Variants in GRIP1 observed in about 807,000 individuals in gnomAD.
The protein encoded by GRIP1 is glutamate receptor-interacting protein 1.
In GRIP1, 45 loss-of-function variants were observed where a neutral mutation model predicts 129.9. The observed-to-expected ratio is 0.35, with a 90% CI of 0.27 to 0.44. The LOEUF is 0.44. Among genes scored for constraint, GRIP1 ranks in the 20% least tolerant of loss-of-function variants. The probability of loss-of-function intolerance (pLI) is 1.00; values close to 1 mark genes in which losing one functional copy is unlikely to be tolerated. For missense variants in GRIP1, 1,196 were observed against 1,396.8 expected (o/e 0.86, Z 2.29); for synonymous variants, 530 against 520.8 (o/e 1.02, Z -0.24).
At chr12:66,457,623 A>C (rs2059006403) in intron 9 of GRIP1, among the ~76,000 whole-genome samples, 1 of 152,200 alleles carries the variant, frequency 6.6e-6, no homozygotes, top group Non-Finnish European at 1.5e-5. Context: ...ACAAGTGAAT[A>C]TGTAGAGAGG....
chr12:66,379,501 T>C, intron 19 of GRIP1, 65 bp from the exon 20 acceptor site: 1 of 1,501,570 alleles, frequency 6.7e-7, no homozygotes, highest in Non-Finnish European at 9.3e-7. Context: ...GAAATGACAT[T>C]GTTAACCAGT....
chr12:66,886,918 T>C (rs1362659681), intron 1 of GRIP1, among the ~76,000 whole-genome samples: 1 of 152,300 alleles, frequency 6.6e-6, no homozygotes, highest in Non-Finnish European at 1.5e-5. Flanking sequence ...TCAACAGGTA[T>C]AGGAATTTTT....
intron 1 of GRIP1, among the ~76,000 whole-genome samples, chr12:66,692,675 G>C (rs1220562361): frequency 6.6e-6 from 1 of 152,122 alleles, no homozygotes; most frequent in Non-Finnish European, 1.5e-5. Context: ...CAGAGAGGAG[G>C]GGATTTGTCT....
chr12:66,989,035 C>T (rs2042355870), intron 1 of GRIP1, among the ~76,000 whole-genome samples: 2 of 152,180 alleles, frequency 1.3e-5, no homozygotes, highest in South Asian at 2.1e-4. Context: ...CAAAATTCCA[C>T]CTTCTCAACA....
intron 1 of GRIP1, among the ~76,000 whole-genome samples, chr12:66,895,701 AG>A (rs1301721342): frequency 2.6e-5 from 4 of 152,218 alleles, no homozygotes; most frequent in African/African-American, 4.8e-5. Flanking sequence ...AGCTGGCCGC[AG>A]ACCCACCACT....
At chr12:66,714,603 A>G (rs796838993) in intron 1 of GRIP1, among the ~76,000 whole-genome samples, 3 of 152,222 alleles carry the variant, frequency 2.0e-5, no homozygotes, top group African/African-American at 7.2e-5. Context: ...ATATCAAAAC[A>G]TAACTATTAA....
intron 1 of GRIP1, among the ~76,000 whole-genome samples, chr12:66,936,079 G>A (rs775037340): frequency 1.3e-5 from 2 of 152,142 alleles, no homozygotes; most frequent in Non-Finnish European, 2.9e-5. Context: ...TCTCTGGTAG[G>A]TAGGTGAACA....
chr12:66,501,129 G>A (rs534363045), intron 7 of GRIP1, among the ~76,000 whole-genome samples: 1 of 152,236 alleles, frequency 6.6e-6, no homozygotes, highest in South Asian at 2.1e-4. Flanking sequence ...TGATCTCACA[G>A]GTGTATCTAG....
chr12:66,454,671 C>T (rs2058903215), intron 11 of GRIP1, among the ~76,000 whole-genome samples: 2 of 152,162 alleles, frequency 1.3e-5, no homozygotes, highest in Non-Finnish European at 1.5e-5. Flanking sequence ...CCTAGTTTTG[C>T]TTAGTCTATA....
At chr12:66,821,447 C>T (rs1035071572) in intron 1 of GRIP1, among the ~76,000 whole-genome samples, 3 of 152,048 alleles carry the variant, frequency 2.0e-5, no homozygotes, top group Non-Finnish European at 4.4e-5. Context: ...CATGCATAAT[C>T]GTGGTTTCCC....
At chr12:66,738,606 G>A (rs1258659220) in intron 1 of GRIP1, among the ~76,000 whole-genome samples, 2 of 152,102 alleles carry the variant, frequency 1.3e-5, no homozygotes, top group Admixed American at 6.5e-5. Flanking sequence ...CCCATTGTTG[G>A]TTTTGAGAGA....
chr12:66,846,398 C>G (rs1566049013), intron 1 of GRIP1, among the ~76,000 whole-genome samples: 1 of 152,204 alleles, frequency 6.6e-6, no homozygotes, highest in Admixed American at 6.5e-5. Context: ...TTCATCCCCA[C>G]ATTTCTCTTA....
intron 23 of GRIP1, among the ~76,000 whole-genome samples, chr12:66,367,452 C>A (rs2055218805): frequency 6.6e-6 from 1 of 152,020 alleles, no homozygotes; most frequent in Non-Finnish European, 1.5e-5. Context: ...GGCCCATGCT[C>A]CCTGAAAGTG....
intron 2 of GRIP1, among the ~76,000 whole-genome samples, chr12:66,545,687 C>T (rs532207536): frequency 1.3e-5 from 2 of 152,286 alleles, no homozygotes; most frequent in South Asian, 4.1e-4. Context: ...GGAGATACAA[C>T]ACTGAACAAA....
At chr12:66,645,388 T>C (rs899830951) in intron 1 of GRIP1, among the ~76,000 whole-genome samples, 2 of 151,968 alleles carry the variant, frequency 1.3e-5, no homozygotes, top group African/African-American at 4.8e-5. Context: ...ACCTTATACA[T>C]GCAACAATTT....
chr12:66,746,642 T>C (rs887828264), intron 1 of GRIP1, among the ~76,000 whole-genome samples: 3 of 152,198 alleles, frequency 2.0e-5, no homozygotes, highest in African/African-American at 7.2e-5. Flanking sequence ...TGGAATGCCT[T>C]AGAATACCTG....
Position 67,041,587 on chromosome 12 carries a change from T to TG in GRIP1, c.58+27462dup, listed in dbSNP as rs1219986869. ...CAAATTTCTTCAATCAAAAAAGGAG[T>TG]GGGTGATCCTCAGCAAAATCAGACA... On this transcript the variant is annotated intron_variant, in intron 1 of 1. Coordinates refer to the GRIP1 transcript ENST00000643019. Among the ~76,000 whole-genome samples, 3 of 151,722 alleles carry TG rather than the reference T, an allele frequency of 2.0e-5. No homozygotes were observed. In the East Asian group the frequency reaches 5.8e-4, roughly 29 times the overall value.
At chr12:66,704,792 A>C (rs2035470666) in intron 1 of GRIP1, among the ~76,000 whole-genome samples, 2 of 152,130 alleles carry the variant, frequency 1.3e-5, no homozygotes, top group South Asian at 4.1e-4. Flanking sequence ...CTTAAAAATA[A>C]AAGCACTTGT....
chr12:66,419,239 A>G (rs2137816579), intron 15 of GRIP1, among the ~76,000 whole-genome samples: 1 of 152,196 alleles, frequency 6.6e-6, no homozygotes, highest in South Asian at 2.1e-4. Flanking sequence ...GGTATTTAAA[A>G]ATCAAAATAA....
Sources: allele counts gnomAD v4.1 joint callset (sites outside exome capture counted in the v4.1 genomes callset), GRCh38; gene constraint gnomAD v4.1.1; transcripts MANE v1.5; gene names NCBI Gene and HGNC (gene_info 2026-07-23, HGNC 2026-07-21).